CACNA2D4: variants seen among roughly 807,000 people sequenced by gnomAD.
CACNA2D4 encodes voltage-dependent calcium channel subunit alpha-2/delta-4.
In CACNA2D4, 157 loss-of-function variants were observed where a neutral mutation model predicts 163.8. The observed-to-expected ratio is 0.96, with a 90% CI of 0.84 to 1.09. The LOEUF is 1.09. CACNA2D4 is among the 50% of genes least tolerant of loss of function. The pLI, the probability that CACNA2D4 is intolerant of heterozygous loss-of-function variation, is 0.00. For synonymous variants in CACNA2D4, 598 were observed against 586.9 expected (o/e 1.02, Z -0.27); for missense variants, 1,410 against 1,479.9 (o/e 0.95, Z 0.78).
At chr12:1,810,892 C>T (rs141125651) in intron 27 of CACNA2D4, among the ~76,000 whole-genome samples, 1,549 of 152,274 alleles carry the variant, frequency 0.01, 14 homozygotes, top group Non-Finnish European at 0.015. Flanking sequence ...ATGTGGCCTG[C>T]GGGTGCTGCA....
intron 26 of CACNA2D4, chr12:1,831,553 C>G (rs377220840): frequency 1.3e-6 from 2 of 1,571,320 alleles, no homozygotes; most frequent in Non-Finnish European, 1.7e-6. Flanking sequence ...TGCTGGGGCC[C>G]GAGGGATTGG....
rs1863538864 is a variant in CACNA2D4, at chr12:1,806,399, G to A, written c.2721+3879C>T. On this transcript the variant is annotated intron_variant, in intron 29 of 37. Coordinates refer to ENST00000382722, the MANE Select transcript of CACNA2D4 (RefSeq NM_172364.5). This position sits in a 1 kb window ranked among gnomAD's most constrained non-coding sequence, Gnocchi z 4.1. ...TCAGCAGGCCTGGAACACCGCCGGT[G>A]CCAAGAAAGAGCCAAGCAGCCACTC... Among the ~76,000 whole-genome samples the A allele has an allele frequency of 6.6e-6, 1 of 152,194 alleles. No homozygotes were observed. Among genetic ancestry groups the A allele is most frequent in the African/African-American group, 2.4e-5 (1 of 41,452 alleles).
chr12:1,821,160 CGTT>C (rs1240454050), intron 26 of CACNA2D4, among the ~76,000 whole-genome samples: 1 of 152,116 alleles, frequency 6.6e-6, no homozygotes, highest in Non-Finnish European at 1.5e-5. Flanking sequence ...CTTGTGCTGT[CGTT>C]GTGCCCGGCT....
At chr12:1,794,775 C>T (rs1160714293) in intron 37 of CACNA2D4, among the ~76,000 whole-genome samples, 5 of 152,158 alleles carry the variant, frequency 3.3e-5, no homozygotes, top group African/African-American at 4.8e-5. Context: ...TTATGGAGGC[C>T]TCATTATGAT....
chr12:1,894,933 G>T (rs774429899), intron 6 of CACNA2D4, among the ~76,000 whole-genome samples: 1 of 152,164 alleles, frequency 6.6e-6, no homozygotes, highest in African/African-American at 2.4e-5. Context: ...AATTGGAAAA[G>T]AGGAAGTCAA....
intron 18 of CACNA2D4, among the ~76,000 whole-genome samples, chr12:1,868,535 G>C (rs1057427803): frequency 6.6e-6 from 1 of 151,598 alleles, no homozygotes; most frequent in African/African-American, 2.4e-5. Context: ...ACTAAGGCTA[G>C]AGCTCTAATG....
At chr12:1,896,412 T>C (rs556273064) in intron 6 of CACNA2D4, among the ~76,000 whole-genome samples, 1 of 151,926 alleles carries the variant, frequency 6.6e-6, no homozygotes, top group African/African-American at 2.4e-5. Context: ...ACAAAACAAA[T>C]AATCCCATTG....
At chr12:1,870,990 C>G (rs1208992511) in intron 18 of CACNA2D4, among the ~76,000 whole-genome samples, 1 of 152,192 alleles carries the variant, frequency 6.6e-6, no homozygotes, top group South Asian at 2.1e-4. Context: ...TTCAAGGGCA[C>G]TGGAGGAACA....
chr12:1,828,364 G>C lies in CACNA2D4; in HGVS notation c.2551+12375C>G. 1 of 675,004 alleles carries C rather than the reference G, an allele frequency of 1.5e-6. No homozygotes were observed. Among genetic ancestry groups the C allele is most frequent in the Non-Finnish European group, 2.3e-6 (1 of 426,566 alleles). 41.8% of individuals were successfully genotyped at this position (675,004 alleles called of 1,614,324 possible). A position where few individuals can be genotyped will look rare whatever the true frequency, so the allele number is the denominator to read the frequency against. ...CTGGGGTACCCGAGGCTATGTTCTG[G>C]GAAGCCAGGGTCACGCCCACGGTGA... On this transcript the variant is annotated intron_variant, in intron 26 of 37. Transcript: ENST00000382722. The surrounding 1 kb of genome is among the most constrained non-coding windows in gnomAD (Gnocchi z 4.2).
chr12:1,841,401 C>G (rs1865022723), intron 25 of CACNA2D4, among the ~76,000 whole-genome samples: 1 of 152,218 alleles, frequency 6.6e-6, no homozygotes, highest in African/African-American at 2.4e-5. Context: ...CAACTCAGGG[C>G]AAGTCCTGAG....
At chr12:1,850,881 C>CAA (rs3078857) in intron 23 of CACNA2D4, among the ~76,000 whole-genome samples, 1 of 130,862 alleles carries the variant, frequency 7.6e-6, no homozygotes, top group Non-Finnish European at 1.7e-5. Flanking sequence ...GACTCCGTCT[C>CAA]AAAAAAAAAA....
At chr12:1,837,026 C>G (rs7314918) in intron 26 of CACNA2D4, among the ~76,000 whole-genome samples, 2,585 of 152,348 alleles carry the variant, frequency 0.017, 82 homozygotes, top group African/African-American at 0.056. Flanking sequence ...CCTGGCCTGA[C>G]AGGCAGGTTC....
intron 4 of CACNA2D4, among the ~76,000 whole-genome samples, chr12:1,908,387 T>A (rs956474627): frequency 2.6e-5 from 4 of 152,076 alleles, no homozygotes; most frequent in Non-Finnish European, 5.9e-5. Context: ...ATCAGCCCCC[T>A]CCACTTCTCG....
intron 26 of CACNA2D4, chr12:1,831,604 G>C: frequency 2.4e-6 from 3 of 1,259,948 alleles, no homozygotes; most frequent in Non-Finnish European, 3.4e-6. Context: ...CTGGTGGCTG[G>C]GTGCTGACTC....
rs768082828 is a variant in CACNA2D4 at position 1,834,521 on chromosome 12, A to C, written c.2551+6218T>G. 1.2e-6 allele frequency: 2 copies of C among 1,605,858 alleles called. No individual in the cohort carries two copies. Among genetic ancestry groups the C allele is most frequent in the South Asian group, 2.2e-5 (2 of 91,070 alleles). On this transcript the variant is annotated intron_variant, in intron 26 of 37. Coordinates refer to ENST00000382722, the MANE Select transcript of CACNA2D4 (RefSeq NM_172364.5). This position sits in a 1 kb window ranked among gnomAD's most constrained non-coding sequence, Gnocchi z 7.6. Reference sequence around the variant, plus strand: ...GCAGAGGCACCGGCCGGCGAGCGTGAGGCGAGCCATGGGCACGGTGATCAT... The same window carrying C: ...GCAGAGGCACCGGCCGGCGAGCGTGCGGCGAGCCATGGGCACGGTGATCAT...
At position 1,844,511 on chromosome 12, in the gene CACNA2D4, C is replaced by T. The variant is rs781074312; in HGVS notation, c.2361G>A (p.Glu787=). The T allele has an allele frequency of 3.1e-6, 5 of 1,613,134 alleles. No homozygotes were observed. The South Asian group carries it at 4.4e-5, about 14-fold the overall frequency. Residue 787 remains glutamate, a synonymous_variant, in exon 25 of 38, where the codon GAG becomes GAA. Transcript: ENST00000382722. This position sits in a 1 kb window ranked among gnomAD's most constrained non-coding sequence, Gnocchi z 4.2. ...KVSDRKFLTP[E]DEASVFTLDR... ...CCAGGGTGAACACGCTGGCCTCGTC[C>T]TCAGGTGTCAGGAACTTCCTGCAAG...
In CACNA2D4 at chr12:1,913,602, G is replaced by A. The variant is rs774608386; in HGVS notation, c.310-463C>T. Among the ~76,000 whole-genome samples, 4 of 152,188 alleles carry A rather than the reference G, an allele frequency of 2.6e-5. No homozygotes were observed. The East Asian group carries it at 5.8e-4, about 22-fold the overall frequency. On this transcript the variant is annotated intron_variant, in intron 2 of 37. Transcript: ENST00000382722. ...GGCATCTTGCTATGAAAGTGCCCCC[G>A]TGCACATGGATGTGAACCTCAGTTC...
chr12:1,868,070 A>G (rs1239154691), intron 18 of CACNA2D4, among the ~76,000 whole-genome samples: 1 of 152,234 alleles, frequency 6.6e-6, no homozygotes, highest in Non-Finnish European at 1.5e-5. Context: ...GCCTAAAGAA[A>G]TGAAAAGTAG....
Position 1,884,866 on chromosome 12 carries a change from G to C in CACNA2D4, c.1174C>G (p.Gln392Glu). The C allele has an allele frequency of 1.2e-6, 2 of 1,613,656 alleles. No homozygotes were observed. Among genetic ancestry groups the C allele is most frequent in the Admixed American group, 3.3e-5 (2 of 59,990 alleles). Reference protein sequence around the residue: ...QILKQFQEAKQGSLCNQAIML... With the variant: ...QILKQFQEAKEGSLCNQAIML... Reference sequence around the variant, plus strand: ...ATGGCCTGGTTGCAGAGGCTTCCTTGCTTGGCCTCTTGGAACTGTGTAGGG... The same window carrying C: ...ATGGCCTGGTTGCAGAGGCTTCCTTCCTTGGCCTCTTGGAACTGTGTAGGG... The change falls in exon 11 of 38, where the codon CAA becomes GAA. Residue 392 changes from glutamine to glutamate, a missense_variant. Gln to Glu is a conservative substitution (Grantham distance 29, BLOSUM62 2). Transcript: ENST00000382722.
Sources: allele counts gnomAD v4.1 joint callset (sites outside exome capture counted in the v4.1 genomes callset), GRCh38; gene constraint gnomAD v4.1.1; non-coding constraint Gnocchi (gnomAD v3.1); transcripts MANE v1.5; gene names NCBI Gene and HGNC (gene_info 2026-07-23, HGNC 2026-07-21).